The following CNTNAP4 variants were observed in gnomAD, a reference collection of about 807,000 sequenced individuals.
CNTNAP4 encodes contactin-associated protein-like 4.
A neutral mutation model predicts 148.4 loss-of-function variants in CNTNAP4; 98 were observed. That is an observed-to-expected ratio of 0.66 (90% confidence interval 0.56 to 0.78). The LOEUF (loss-of-function observed/expected upper bound fraction) is 0.78, where lower values mean the gene tolerates loss of function less well. CNTNAP4 is among the 30% of genes least tolerant of loss of function. CNTNAP4 has a pLI of 0.00. For missense variants in CNTNAP4, 1,935 were observed against 1,565.6 expected (o/e 1.24, Z -3.98); for synonymous variants, 730 against 565.1 (o/e 1.29, Z -4.14).
At chr16:76,406,754 C>CAATTCTAT (rs2078611240) in intron 3 of CNTNAP4, among the ~76,000 whole-genome samples, 2 of 152,260 alleles carry the variant, frequency 1.3e-5, no homozygotes, top group Admixed American at 1.3e-4. Flanking sequence ...AAGTTCTTTT[C>CAATTCTAT]AATTCTATGA....
chr16:76,417,515 A>G (rs968071194), intron 3 of CNTNAP4, among the ~76,000 whole-genome samples: 2 of 151,640 alleles, frequency 1.3e-5, no homozygotes, highest in African/African-American at 4.8e-5. Flanking sequence ...ATTCATTTGT[A>G]ATTTAGGTGA....
At chr16:76,420,512 G>C (rs544813636) in intron 3 of CNTNAP4, among the ~76,000 whole-genome samples, 2 of 151,920 alleles carry the variant, frequency 1.3e-5, no homozygotes, top group East Asian at 3.9e-4. Flanking sequence ...TTTAATCTCC[G>C]TGCGGGGCTG....
In CNTNAP4 at chr16:76,277,456, G is replaced by T. The variant is rs1958518002; in HGVS notation, c.-207G>T. The T allele has an allele frequency of 1.8e-6, 1 of 552,396 alleles. No individual in the cohort carries two copies. Among genetic ancestry groups the T allele is most frequent in the East Asian group, 2.9e-5 (1 of 34,626 alleles). The allele number at this position is 552,396 out of a possible 1,614,324, so 34.2% of individuals were successfully genotyped here. On this transcript the variant is annotated 5_prime_UTR_variant, in exon 1 of 24. Transcript: ENST00000611870. ...GTGAGAGAGAGAGAGAAAAGAGAGA[G>T]ACAGAGACGGGGAGAGAGAGAGGGA...
In CNTNAP4 at chr16:76,467,594, T is replaced by A; in HGVS notation, c.1655+71T>A. On this transcript the variant is annotated intron_variant, in intron 10 of 23. Coordinates refer to ENST00000611870, the MANE Select transcript of CNTNAP4 (RefSeq NM_033401.5). The stretch of plus-strand genomic sequence containing the variant: ...ATCAGATTAAAATTTATGTATAAGA[T>A]GAACAATTATTCTTTCCTCTTCCCC... 8 of 1,223,334 alleles carry A rather than the reference T, an allele frequency of 6.5e-6. No homozygotes were observed. The South Asian group carries it at 1.1e-4, about 16-fold the overall frequency. The allele number at this position is 1,223,334 out of a possible 1,614,324, so 75.8% of individuals were successfully genotyped here.
chr16:76,409,927 G>A (rs2078733310), intron 3 of CNTNAP4, among the ~76,000 whole-genome samples: 1 of 151,842 alleles, frequency 6.6e-6, no homozygotes, highest in African/African-American at 2.4e-5. Flanking sequence ...ATTGAGGCTT[G>A]TTATGAAGGA....
intron 1 of CNTNAP4, among the ~76,000 whole-genome samples, chr16:76,308,276 C>T (rs1040791070): frequency 3.3e-5 from 5 of 152,172 alleles, no homozygotes; most frequent in African/African-American, 1.2e-4. Flanking sequence ...GCATAGTAGT[C>T]TACACTCGTG....
intron 15 of CNTNAP4, among the ~76,000 whole-genome samples, chr16:76,519,007 C>T (rs375176351): frequency 2.5e-4 from 38 of 152,256 alleles, no homozygotes; most frequent in African/African-American, 8.4e-4. Flanking sequence ...CTCTCTTTGC[C>T]CTTCCTTTCT....
chr16:76,287,238 A>G (rs1240637050), intron 1 of CNTNAP4, among the ~76,000 whole-genome samples: 1 of 152,240 alleles, frequency 6.6e-6, no homozygotes, highest in African/African-American at 2.4e-5. Flanking sequence ...TTATCACAAA[A>G]TGAAACATGA....
chr16:76,399,314 T>G (rs937392901), intron 3 of CNTNAP4, among the ~76,000 whole-genome samples: 1 of 152,170 alleles, frequency 6.6e-6, no homozygotes, highest in Non-Finnish European at 1.5e-5. Flanking sequence ...TAAGTACCTC[T>G]GATAGAAAAG....
At chr16:76,390,463 G>A (rs949840765) in intron 3 of CNTNAP4, among the ~76,000 whole-genome samples, 3 of 151,534 alleles carry the variant, frequency 2.0e-5, no homozygotes, top group Admixed American at 1.3e-4. Context: ...ACATGTAATT[G>A]TTTCCTCTGA....
At chr16:76,331,497 T>C (rs1963522870) in intron 2 of CNTNAP4, among the ~76,000 whole-genome samples, 1 of 150,856 alleles carries the variant, frequency 6.6e-6, no homozygotes, top group South Asian at 2.1e-4. Flanking sequence ...CTGTTTTTTC[T>C]TTCAAGTTTT....
intron 23 of CNTNAP4, chr16:76,557,742 G>A (rs1204868269): frequency 1.3e-5 from 2 of 152,072 alleles, no homozygotes; most frequent in Non-Finnish European, 2.9e-5. Context: ...GTATTAAAAT[G>A]GAAATGGAAA....
intron 3 of CNTNAP4, among the ~76,000 whole-genome samples, chr16:76,397,368 G>T (rs1597414964): frequency 6.6e-6 from 1 of 152,014 alleles, no homozygotes; most frequent in African/African-American, 2.4e-5. Context: ...TATGAGGAAA[G>T]GGATTAAATC....
chr16:76,327,774 G>A (rs796255328), intron 2 of CNTNAP4, among the ~76,000 whole-genome samples: 15 of 152,300 alleles, frequency 9.8e-5, no homozygotes, highest in African/African-American at 3.6e-4. Flanking sequence ...GAGAGCTGAT[G>A]GACAGAAACT....
intron 3 of CNTNAP4, among the ~76,000 whole-genome samples, chr16:76,401,420 G>C (rs2078411162): frequency 6.6e-6 from 1 of 152,164 alleles, no homozygotes; most frequent in Non-Finnish European, 1.5e-5. Context: ...TGCTGAAGTT[G>C]TTTACCAGCT....
At chr16:76,525,910 A>G (rs988059396) in intron 17 of CNTNAP4, among the ~76,000 whole-genome samples, 18 of 149,812 alleles carry the variant, frequency 1.2e-4, no homozygotes, top group Non-Finnish European at 8.9e-5. Flanking sequence ...ATACATATAT[A>G]AAATATATAG....
In CNTNAP4 at chr16:76,521,221, A is replaced by C. The variant is rs746796258; in HGVS notation, c.2447A>C (p.Asp816Ala). ...ACCTTCCACGGAGAACTTAGCGCGG[A>C]TGTATCTTTCTTTTTTAAGACAACA... ...FPTFHGELSA[D>A]VSFFFKTTAS... The change falls in exon 16 of 24, where the codon GAT becomes GCT. Residue 816 changes from aspartate to alanine, a missense_variant. Asp to Ala is a moderately radical substitution (Grantham distance 126). Transcript: ENST00000611870. The C allele has an allele frequency of 6.2e-7, 1 of 1,611,690 alleles. No homozygotes were observed. The highest frequency in any genetic ancestry group is 8.5e-7 in the Non-Finnish European group (1 of 1,179,148).
intron 23 of CNTNAP4, among the ~76,000 whole-genome samples, chr16:76,554,712 C>T (rs1272236026): frequency 6.6e-6 from 1 of 151,594 alleles, no homozygotes; most frequent in African/African-American, 2.4e-5. Context: ...TGTTGCATTG[C>T]CAGGGAGATA....
intron 2 of CNTNAP4, among the ~76,000 whole-genome samples, chr16:76,340,147 C>G (rs1964349114): frequency 1.3e-5 from 2 of 152,094 alleles, no homozygotes; most frequent in Non-Finnish European, 2.9e-5. Flanking sequence ...TACCATCCAA[C>G]CTGCTTTTAC....
Sources: allele counts gnomAD v4.1 joint callset (sites outside exome capture counted in the v4.1 genomes callset), GRCh38; gene constraint gnomAD v4.1.1; transcripts MANE v1.5; gene names NCBI Gene and HGNC (gene_info 2026-07-23, HGNC 2026-07-21).